The following ZNF414 variants were observed in gnomAD, a reference collection of about 807,000 sequenced individuals.
ZNF414 encodes zinc finger protein 414.
In ZNF414, 32 loss-of-function variants were observed where a neutral mutation model predicts 38.3. The observed-to-expected ratio is 0.83, with a 90% CI of 0.63 to 1.12. ZNF414 has a LOEUF of 1.12. ZNF414 is among the 50% of genes most tolerant of loss of function. ZNF414 has a pLI of 0.00. For missense variants in ZNF414, 589 were observed against 557.4 expected, an observed-to-expected ratio of 1.06 and a Z score of -0.57; for synonymous variants, 256 against 248.0, an observed-to-expected ratio of 1.03 and a Z score of -0.30.
chr19:8,513,226 G>A lies in ZNF414; in HGVS notation c.119C>T (p.Ser40Phe), dbSNP rs1222945385. The A allele has an allele frequency of 1.9e-6, 3 of 1,583,122 alleles. No homozygotes were observed. Among genetic ancestry groups the A allele is most frequent in the Non-Finnish European group, 1.7e-6 (2 of 1,171,520 alleles). Residue 40 changes from serine (S) to phenylalanine (F), a missense_variant, in exon 2 of 8, where the codon TCC becomes TTC. By Grantham distance (155) the Ser-to-Phe change is radical. Transcript: ENST00000393927. ...CTCAGGGCCTGGCTCCTCCGACATG[G>A]AGGAGGAAGGGGCTGCAGCTGGCAC... is the stretch of plus-strand genomic sequence containing the variant. ...PAVPAAAPSS[S>F]MSEEPGPEQA...
In ZNF414 at chr19:8,510,892, G is replaced by T; in HGVS notation, c.1058C>A (p.Ala353Glu). Residue 353 changes from alanine to glutamate, a missense_variant, in exon 7 of 8, where the codon GCG (alanine) becomes GAG (glutamate). By Grantham distance (107) the Ala-to-Glu change is moderately radical. Coordinates refer to ENST00000393927, the MANE Select transcript of ZNF414 (RefSeq NM_001146175.2). ...GCGCGGCGGCCCGGCCGCGGGGGCC[G>T]CGGGGGCGCCGGGGCGGTGGTCCTC... ...HLEDHRPGAP[A>E]APAAGPPRPD... 8.7e-7 allele frequency: 1 copy of T among 1,152,992 alleles called. No homozygotes were observed. The highest frequency in any genetic ancestry group is 1.6e-5 in the African/African-American group (1 of 60,936). 71.4% of individuals were successfully genotyped at this position (1,152,992 alleles called of 1,614,324 possible).
At chr19:8,514,004 C>T in intron 1 of ZNF414, 40 bp downstream of exon 1, 3 of 1,436,342 alleles carry the variant, frequency 2.1e-6, no homozygotes, top group African/African-American at 1.5e-5. Context: ...CGCCAGTCCC[C>T]GCAGCTCCGC....
chr19:8,513,781 G>A (rs1971951789), intron 1 of ZNF414, among the ~76,000 whole-genome samples: 1 of 152,202 alleles, frequency 6.6e-6, no homozygotes, highest in East Asian at 1.9e-4. Flanking sequence ...TGAGGACCGA[G>A]ACCGGCCGGC....
intron 4 of ZNF414, 38 bp downstream of exon 4, chr19:8,512,349 G>A (rs1236858262): frequency 6.2e-7 from 1 of 1,608,488 alleles, no homozygotes; most frequent in African/African-American, 1.3e-5. Context: ...ATAGGGTGAG[G>A]CTAGGGCAGG....
intron 1 of ZNF414, 120 bp from the exon 2 acceptor site, chr19:8,513,461 T>C: frequency 1.0e-6 from 1 of 952,632 alleles, no homozygotes; most frequent in East Asian, 3.0e-5. Context: ...GACTAAGCTC[T>C]TTTTTTCTTT....
chr19:8,512,617 T>C lies in ZNF414; in HGVS notation c.411A>G (p.Thr137=). The part of the protein sequence containing the change: ...AQHLRTHCPP[T]QSLEGKLFRC... ...TCCTGGCCCTACCTTCCAGGGACTG[T>C]GTGGGCGGGCAGTGGGTTCGCAGAT... The change falls in exon 3 of 8, where the codon ACA becomes ACG. Residue 137 remains threonine (T), a synonymous_variant. Transcript: ENST00000393927. The C allele has an allele frequency of 2.5e-6, 4 of 1,591,650 alleles. No individual in the cohort carries two copies. Among genetic ancestry groups the C allele is most frequent in the Non-Finnish European group, 3.4e-6 (4 of 1,168,136 alleles).
chr19:8,514,036 G>A lies in ZNF414; in HGVS notation c.3+8C>T, dbSNP rs756541486. The A allele has an allele frequency of 3.4e-6, 5 of 1,471,372 alleles. No homozygotes were observed. Among genetic ancestry groups the A allele is most frequent in the Middle Eastern group, 2.1e-4 (1 of 4,738 alleles). The allele number at this position is 1,471,372 out of a possible 1,614,324, so 91.1% of individuals were successfully genotyped here. On this transcript the variant is annotated splice_region_variant and intron_variant, in intron 1 of 7. Coordinates refer to ENST00000393927, the MANE Select transcript of ZNF414 (RefSeq NM_001146175.2). ...CCGCCGCGCCCGCGACCCCGGTGCC[G>A]CGCTCACCATCTTCGACACGGCTCG...
rs534955424 is a variant in ZNF414, at chr19:8,510,308, GAAAAAAAAAAA to G, written c.*372_*382del. ...GTCTCAAAAAAGAAAAAAAAAAAAA[GAAAAAAAAAAA>G]AAAAGAAAACTGGAGAGTCCCCATC... On this transcript the variant is annotated 3_prime_UTR_variant, in exon 8 of 8. Coordinates refer to ENST00000393927, the MANE Select transcript of ZNF414 (RefSeq NM_001146175.2). The G allele has an allele frequency of 9.9e-6, 1 of 101,070 alleles. No homozygotes were observed. The highest frequency in any genetic ancestry group is 2.1e-5 in the Non-Finnish European group (1 of 47,314). 6.3% of individuals were successfully genotyped at this position (101,070 alleles called of 1,614,324 possible). A position where few individuals can be genotyped will look rare whatever the true frequency, so the allele number is the denominator to read the frequency against.
Position 8,512,627 on chromosome 19 carries a change from C to T in ZNF414, c.401G>A (p.Cys134Tyr). 6 of 1,592,024 alleles carry T rather than the reference C, an allele frequency of 3.8e-6. No individual in the cohort carries two copies. In the South Asian group the frequency reaches 6.8e-5, roughly 18 times the overall value. The change falls in exon 3 of 8, where the codon TGC becomes TAC. Residue 134 changes from cysteine to tyrosine, a missense_variant. Physicochemically the swap from Cys to Tyr is radical, Grantham distance 194 (BLOSUM62 -2). Coordinates refer to ENST00000393927, the MANE Select transcript of ZNF414 (RefSeq NM_001146175.2). Reference protein sequence around the residue: ...RDLAQHLRTHCPPTQSLEGKL... With the variant: ...RDLAQHLRTHYPPTQSLEGKL... Reference sequence around the variant, plus strand: ...ACCTTCCAGGGACTGTGTGGGCGGGCAGTGGGTTCGCAGATGCTGTGCCAG... The same window carrying T: ...ACCTTCCAGGGACTGTGTGGGCGGGTAGTGGGTTCGCAGATGCTGTGCCAG...
intron 6 of ZNF414, 149 bp downstream of exon 6, chr19:8,511,337 T>G: frequency 6.9e-7 from 1 of 1,454,142 alleles, no homozygotes; most frequent in Non-Finnish European, 9.1e-7. Flanking sequence ...GCCAGTCATT[T>G]TTAAGGCAAA....
chr19:8,510,879 G>T lies in ZNF414; in HGVS notation c.1071C>A (p.Ala357=). ...CGGGGGCGTCGGGGCGCGGCGGCCCGGCCGCGGGGGCCGCGGGGGCGCCGG... is the reference window on the plus strand; with the variant it reads ...CGGGGGCGTCGGGGCGCGGCGGCCCTGCCGCGGGGGCCGCGGGGGCGCCGG... ...HRPGAPAAPA[A]GPPRPDAPAD... The change falls in exon 7 of 8, where the codon GCC becomes GCA. Residue 357 remains alanine (A), a synonymous_variant. Transcript: ENST00000393927. 1 of 1,102,802 alleles carries T rather than the reference G, an allele frequency of 9.1e-7. No individual in the cohort carries two copies. Among genetic ancestry groups the T allele is most frequent in the Non-Finnish European group, 1.1e-6 (1 of 896,486 alleles). The allele number at this position is 1,102,802 out of a possible 1,614,324, so 68.3% of individuals were successfully genotyped here.
chr19:8,510,948 C>T lies in ZNF414; in HGVS notation c.1002G>A (p.Thr334=). ...RYSCMQCAFS[T]ASRPAMTLHL... is the part of the protein sequence containing the mutation. ...GCAGGGTCATGGCGGGCCGCGAGGC[C>T]GTGGAGAAGGCGCACTGCATGCACG... The change falls in exon 7 of 8, where the codon ACG becomes ACA. Residue 334 remains threonine (T), a synonymous_variant. Transcript: ENST00000393927. 8.0e-7 allele frequency: 1 copy of T among 1,246,668 alleles called. No individual in the cohort carries two copies. Among genetic ancestry groups the T allele is most frequent in the Middle Eastern group, 3.0e-4 (1 of 3,376 alleles). 77.2% of individuals were successfully genotyped at this position (1,246,668 alleles called of 1,614,324 possible).
chr19:8,511,515 C>A lies in ZNF414; in HGVS notation c.896G>T (p.Arg299Ile). The change falls in exon 6 of 8, where the codon AGA becomes ATA. Residue 299 changes from arginine to isoleucine, a missense_variant. Transcript: ENST00000393927. ...KSQGAGSSPRRPQGGSDAPSG... is the reference protein window; with the variant it reads ...KSQGAGSSPRIPQGGSDAPSG... ...GGGCGCGTCGGAGCCGCCCTGGGGT[C>A]TTCGGGGGCTGCTGCCAGCACCTGC... is the stretch of plus-strand genomic sequence containing the variant. 1 of 1,604,068 alleles carries A rather than the reference C, an allele frequency of 6.2e-7. No individual in the cohort carries two copies. Among genetic ancestry groups the A allele is most frequent in the Non-Finnish European group, 8.5e-7 (1 of 1,175,918 alleles).
Position 8,511,672 on chromosome 19 carries a change from C to T in ZNF414, c.819G>A (p.Leu273=). The T allele has an allele frequency of 6.7e-7, 1 of 1,499,536 alleles. No homozygotes were observed. The allele number at this position is 1,499,536 out of a possible 1,614,324, so 92.9% of individuals were successfully genotyped here. Residue 273 remains leucine (L), a synonymous_variant, in exon 5 of 8, where the codon CTG becomes CTA. Coordinates refer to ENST00000393927, the MANE Select transcript of ZNF414 (RefSeq NM_001146175.2). ...GLSPPRLRPF[L]AAAPGPPASS... ...AAGCCGGCGGCCCGGGTGCAGCGGC[C>T]AGGAAGGGGCGCAGGCGCGGGGGGC... is the stretch of plus-strand genomic sequence containing the variant.
rs183879827 is a variant in ZNF414 at position 8,511,278 on chromosome 19, A to C, written c.925+208T>G. ...AGCCCGCTCCGAGGTGAACGGTGAA[A>C]GGGGCGCAAGGTTTATACGGGAACG... On this transcript the variant is annotated intron_variant, in intron 6 of 7. Coordinates refer to ENST00000393927, the MANE Select transcript of ZNF414 (RefSeq NM_001146175.2). The C allele has an allele frequency of 5.0e-4, 696 of 1,401,524 alleles. 15 individuals are homozygous for C. The East Asian group carries it at 0.019, about 39-fold the overall frequency. 86.8% of individuals were successfully genotyped at this position (1,401,524 alleles called of 1,614,324 possible).
Position 8,514,091 on chromosome 19 carries a change from C to T in ZNF414, c.-45G>A. 3 of 1,461,110 alleles carry T rather than the reference C, an allele frequency of 2.1e-6. No individual in the cohort carries two copies. Among genetic ancestry groups the T allele is most frequent in the Admixed American group, 2.5e-5 (1 of 40,572 alleles). The allele number at this position is 1,461,110 out of a possible 1,614,324, so 90.5% of individuals were successfully genotyped here. On this transcript the variant is annotated 5_prime_UTR_variant, in exon 1 of 8. Transcript: ENST00000393927. ...CTTGTTTCTGCGGCTCCGGCGGCTG[C>T]AGCTTAGGCGGCGGCCACCCTCTGG...
At chr19:8,513,968 G>A (rs1971954815) in intron 1 of ZNF414, 76 bp downstream of exon 1, 3 of 1,345,486 alleles carry the variant, frequency 2.2e-6, no homozygotes, top group East Asian at 3.1e-5. Flanking sequence ...TCGGCCGGAG[G>A]CTGTAGGCGC....
In ZNF414 at chr19:8,513,128, C is replaced by A; in HGVS notation, c.217G>T (p.Asp73Tyr). 6.5e-7 allele frequency: 1 copy of A among 1,540,868 alleles called. No homozygotes were observed. Among genetic ancestry groups the A allele is most frequent in the South Asian group, 1.2e-5 (1 of 84,012 alleles). The change falls in exon 2 of 8, where the codon GAC (aspartate) becomes TAC (tyrosine). Residue 73 changes from aspartate to tyrosine, a missense_variant. Physicochemically the swap from Asp to Tyr is radical, Grantham distance 160. Coordinates refer to ENST00000393927, the MANE Select transcript of ZNF414 (RefSeq NM_001146175.2). ...GMQQGSSPAPDSCQPGPGPSP... is the reference protein window; with the variant it reads ...GMQQGSSPAPYSCQPGPGPSP... ...GGTCCGGGGCCAGGCTGGCAGCTGT[C>A]TGGGGCTGGGGAGGAGCCCTGCTGC... is the stretch of plus-strand genomic sequence containing the variant.
chr19:8,511,798 C>T lies in ZNF414; in HGVS notation c.693G>A (p.Ala231=). Residue 231 remains alanine, a synonymous_variant, in exon 5 of 8, where the codon GCG becomes GCA. Coordinates refer to ENST00000393927, the MANE Select transcript of ZNF414 (RefSeq NM_001146175.2). The part of the protein sequence containing the change: ...ERPPEVDPAS[A]PGLPFPLLEP... Reference sequence around the variant, plus strand: ...CCAGCAGCGGGAACGGCAGGCCCGGCGCTGATGCGGGGTCAACCTCCGGGG... The same window carrying T: ...CCAGCAGCGGGAACGGCAGGCCCGGTGCTGATGCGGGGTCAACCTCCGGGG... The T allele has an allele frequency of 7.1e-7, 1 of 1,403,920 alleles. No individual in the cohort carries two copies. The highest frequency in any genetic ancestry group is 3.3e-5 in the Admixed American group (1 of 30,142). The allele number at this position is 1,403,920 out of a possible 1,614,324, so 87.0% of individuals were successfully genotyped here. A position where few individuals can be genotyped will look rare whatever the true frequency, so the allele number is the denominator to read the frequency against.
Sources: gnomAD v4.1 joint callset for allele counts (sites outside exome capture counted in the v4.1 genomes callset) on GRCh38, gnomAD v4.1.1 for gene constraint, MANE v1.5 for transcripts, NCBI Gene and HGNC (gene_info 2026-07-23, HGNC 2026-07-21) for gene names.